The following IL18RAP variants were observed in gnomAD, a reference collection of about 807,000 sequenced individuals.
IL18RAP encodes interleukin-18 receptor accessory protein.
A neutral mutation model predicts 58.1 loss-of-function variants in IL18RAP; 37 were observed. The observed-to-expected ratio is 0.64, with a 90% confidence interval of 0.49 to 0.84. The LOEUF is 0.84. IL18RAP is among the 40% of genes least tolerant of loss of function. The pLI, the probability that IL18RAP is intolerant of heterozygous loss-of-function variation, is 0.00. For synonymous variants in IL18RAP, 268 were observed against 257.5 expected (o/e 1.04, Z -0.39); for missense variants, 667 against 704.8 (o/e 0.95, Z 0.61).
rs749884501 is a variant in IL18RAP at position 102,446,795 on chromosome 2, C to CAA, written c.1073-259_1073-258dup. On this transcript the variant is annotated intron_variant, in intron 7 of 9. Coordinates refer to ENST00000687160, the MANE Select transcript of IL18RAP (RefSeq NM_001393487.1). Reference sequence around the variant, plus strand: ...CTGGGCGACATACAGACTCCGTCTCCAAAAAAAAAAAAAAAAAGTATAATG... The same window carrying CAA: ...CTGGGCGACATACAGACTCCGTCTCCAAAAAAAAAAAAAAAAAAAGTATAATG... Among the ~76,000 whole-genome samples the CAA allele has an allele frequency of 1.8e-3, 215 of 119,672 alleles. 4 individuals are homozygous for CAA. The highest frequency in any genetic ancestry group is 2.8e-3 in the African/African-American group (93 of 32,728). 78.5% of individuals were successfully genotyped at this position (119,672 alleles called of 152,430 possible).
intron 9 of IL18RAP, among the ~76,000 whole-genome samples, chr2:102,451,295 T>C (rs992468427): frequency 2.6e-5 from 4 of 152,326 alleles, no homozygotes; most frequent in African/African-American, 4.8e-5. Flanking sequence ...GGCTGCGAAG[T>C]GAACTACTCG....
intron 3 of IL18RAP, among the ~76,000 whole-genome samples, chr2:102,425,896 G>T (rs1267170911): frequency 6.6e-6 from 1 of 152,106 alleles, no homozygotes; most frequent in African/African-American, 2.4e-5. Flanking sequence ...AGGAAGCTTT[G>T]TTTCACTTCC....
chr2:102,423,480 G>A lies in IL18RAP; in HGVS notation c.70+133G>A, dbSNP rs1681711116. ...TCCTACTATTAAAAGGGGACTGAGAGGAGAATTATTAGGGTGAACAGCTTT... is the reference window on the plus strand; with the variant it reads ...TCCTACTATTAAAAGGGGACTGAGAAGAGAATTATTAGGGTGAACAGCTTT... On this transcript the variant is annotated intron_variant, in intron 1 of 9. Transcript: ENST00000687160. 4 of 820,598 alleles carry A rather than the reference G, an allele frequency of 4.9e-6. No individual in the cohort carries two copies. The East Asian group carries it at 9.8e-5, about 20-fold the overall frequency. 50.8% of individuals were successfully genotyped at this position (820,598 alleles called of 1,614,324 possible).
At chr2:102,442,176 AGAAATT>A (rs1379688930) in intron 5 of IL18RAP, among the ~76,000 whole-genome samples, 1 of 152,144 alleles carries the variant, frequency 6.6e-6, no homozygotes, top group African/African-American at 2.4e-5. Flanking sequence ...GGGGTTGAGG[AGAAATT>A]GACTTCCCTG....
Position 102,423,265 on chromosome 2 carries a change from A to T in IL18RAP, c.-13A>T, listed in dbSNP as rs781233303. The T allele has an allele frequency of 2.9e-5, 47 of 1,613,732 alleles. No individual in the cohort carries two copies. The South Asian group carries it at 4.4e-4, about 15-fold the overall frequency. ...TGAAGTTATTGGAGTGATGACAGGAACACGGGAGAACAATGCTCTGTTTGG... is the reference window on the plus strand; with the variant it reads ...TGAAGTTATTGGAGTGATGACAGGATCACGGGAGAACAATGCTCTGTTTGG... On this transcript the variant is annotated 5_prime_UTR_variant, in exon 1 of 10. Transcript: ENST00000687160.
At chr2:102,435,798 C>A (rs1241827273) in intron 3 of IL18RAP, among the ~76,000 whole-genome samples, 1 of 151,976 alleles carries the variant, frequency 6.6e-6, no homozygotes, top group East Asian at 1.9e-4. Flanking sequence ...AACTGTTCTT[C>A]TCCCTGCTTC....
At chr2:102,447,723 TATG>T (rs1683516257) in intron 8 of IL18RAP, among the ~76,000 whole-genome samples, 1 of 147,358 alleles carries the variant, frequency 6.8e-6, no homozygotes, top group Non-Finnish European at 1.5e-5. Flanking sequence ...TGTATGTATG[TATG>T]TATTTATTTA....
chr2:102,445,398 GT>G, intron 7 of IL18RAP, 58 bp downstream of exon 7: 1 of 1,531,876 alleles, frequency 6.5e-7, no homozygotes. Context: ...GAGGGGAGGA[GT>G]TTTCCTAAAG....
intron 6 of IL18RAP, 99 bp downstream of exon 6, chr2:102,443,422 G>C: frequency 7.5e-7 from 1 of 1,333,720 alleles, no homozygotes; most frequent in East Asian, 2.4e-5. Flanking sequence ...GTAGCCACCA[G>C]CACCGACTAG....
chr2:102,426,603 A>G (rs1262657215), intron 3 of IL18RAP, among the ~76,000 whole-genome samples: 2 of 152,284 alleles, frequency 1.3e-5, no homozygotes, highest in Non-Finnish European at 2.9e-5. Flanking sequence ...GGTGTTAGGA[A>G]AACTGGTTAT....
chr2:102,424,484 T>A, intron 3 of IL18RAP, 70 bp downstream of exon 3: 1 of 1,388,854 alleles, frequency 7.2e-7, no homozygotes, highest in Non-Finnish European at 9.9e-7. Flanking sequence ...GGGCTTTTCA[T>A]GGAAAAGCGT....
rs1683336829 is a variant in IL18RAP at position 102,445,176 on chromosome 2, T to G, written c.921-13T>G. 1.9e-6 allele frequency: 3 copies of G among 1,611,468 alleles called. No individual in the cohort carries two copies. Among genetic ancestry groups the G allele is most frequent in the South Asian group, 1.1e-5 (1 of 90,988 alleles). The stretch of plus-strand genomic sequence containing the variant: ...TGTTACTGAATGGAGTGGTATTTTT[T>G]CTCCTTTCTCAGTATTAAATCCACT... On this transcript the variant is annotated splice_polypyrimidine_tract_variant and intron_variant, in intron 6 of 9. Transcript: ENST00000687160.
At chr2:102,435,724 G>A (rs1160587324) in intron 3 of IL18RAP, among the ~76,000 whole-genome samples, 1 of 152,114 alleles carries the variant, frequency 6.6e-6, no homozygotes, top group African/African-American at 2.4e-5. Context: ...GTACTGACTG[G>A]TAGTATAAGA....
intron 3 of IL18RAP, among the ~76,000 whole-genome samples, chr2:102,428,379 GTTT>G (rs57882228): frequency 6.9e-6 from 1 of 145,882 alleles, no homozygotes; most frequent in Non-Finnish European, 1.5e-5. Flanking sequence ...CCTTTTGTTA[GTTT>G]TTTTTTTTTT....
chr2:102,427,097 G>A (rs1398278907), intron 3 of IL18RAP, among the ~76,000 whole-genome samples: 1 of 152,132 alleles, frequency 6.6e-6, no homozygotes, highest in Non-Finnish European at 1.5e-5. Flanking sequence ...CTTTTGTAAA[G>A]GCTGAATAGT....
upstream of IL18RAP, among the ~76,000 whole-genome samples, chr2:102,420,201 G>A (rs750559157): frequency 2.0e-5 from 3 of 152,188 alleles, no homozygotes; most frequent in African/African-American, 7.2e-5. Context: ...AACAGCTACT[G>A]TAACTCAGCA....
At position 102,437,233 on chromosome 2, in the gene IL18RAP, G is replaced by C. The variant is rs1386708306; in HGVS notation, c.601G>C (p.Glu201Gln). ...WYKNGKLLSV[E>Q]RSNRIVVDEV... ...TTAGAATGGAAAACTCCTCTCTGTGGAAAGGAGCAACCGAATCGTAGTGGA... is the reference window on the plus strand; with the variant it reads ...TTAGAATGGAAAACTCCTCTCTGTGCAAAGGAGCAACCGAATCGTAGTGGA... Residue 201 changes from glutamate to glutamine, a missense_variant, in exon 4 of 10, where the codon GAA (glutamate) becomes CAA (glutamine). Coordinates refer to ENST00000687160, the MANE Select transcript of IL18RAP (RefSeq NM_001393487.1). 4.3e-6 allele frequency: 7 copies of C among 1,611,430 alleles called. No individual in the cohort carries two copies. The East Asian group carries it at 1.6e-4, about 36-fold the overall frequency.
chr2:102,446,626 C>T (rs1267977434), intron 7 of IL18RAP, among the ~76,000 whole-genome samples: 1 of 152,102 alleles, frequency 6.6e-6, no homozygotes, highest in Non-Finnish European at 1.5e-5. Flanking sequence ...GGTGAAGCCC[C>T]GTCTCCACTA....
upstream of IL18RAP, among the ~76,000 whole-genome samples, chr2:102,420,778 T>C (rs1681527988): frequency 6.6e-6 from 1 of 152,186 alleles, no homozygotes; most frequent in Non-Finnish European, 1.5e-5. Context: ...AGACATTTTA[T>C]TTTGCAGGTA....
Sources: allele counts gnomAD v4.1 joint callset (sites outside exome capture counted in the v4.1 genomes callset), GRCh38; gene constraint gnomAD v4.1.1; transcripts MANE v1.5; gene names NCBI Gene and HGNC (gene_info 2026-07-23, HGNC 2026-07-21).